The following FSHR variants were observed in gnomAD, a reference collection of about 807,000 sequenced individuals.
FSHR encodes the protein follicle stimulating hormone receptor.
FSHR carries 46 observed loss-of-function variants against 52.1 expected under a neutral mutation model. The ratio of observed to expected loss-of-function variants is 0.88; its 90% CI spans 0.70 to 1.13. The LOEUF is 1.13. Ranked by LOEUF, FSHR falls within the 50% of genes most tolerant of loss-of-function variation. The pLI is 0.00. For synonymous variants in FSHR, 399 were observed against 309.6 expected, an observed-to-expected ratio of 1.29 and a Z score of -3.03; for missense variants, 964 against 834.6, an observed-to-expected ratio of 1.16 and a Z score of -1.91.
intron 1 of FSHR, among the ~76,000 whole-genome samples, chr2:49,133,854 T>C (rs929536233): frequency 8.5e-5 from 13 of 152,076 alleles, no homozygotes; most frequent in African/African-American, 2.4e-4. Context: ...ACTGGGAAAA[T>C]TGGCTAGCCA....
chr2:49,034,357 A>C (rs1668207014), intron 2 of FSHR, among the ~76,000 whole-genome samples: 1 of 152,212 alleles, frequency 6.6e-6, no homozygotes, highest in Non-Finnish European at 1.5e-5. Flanking sequence ...AAGTCTGATC[A>C]GCAAAGAATG....
intron 2 of FSHR, 42 bp downstream of exon 2, chr2:49,068,177 G>GC: frequency 1.3e-6 from 2 of 1,497,346 alleles, no homozygotes; most frequent in Non-Finnish European, 1.9e-6. Flanking sequence ...GCTCCCTATA[G>GC]CCCCCTTGAG....
At chr2:49,099,901 G>C (rs1302571239) in intron 1 of FSHR, among the ~76,000 whole-genome samples, 2 of 152,238 alleles carry the variant, frequency 1.3e-5, no homozygotes, top group East Asian at 3.9e-4. Context: ...CACCCAGTTT[G>C]TGGTACTTTA....
intron 8 of FSHR, among the ~76,000 whole-genome samples, chr2:48,982,047 G>C (rs1675272906): frequency 3.9e-5 from 6 of 152,004 alleles, no homozygotes; most frequent in Admixed American, 3.3e-4. Context: ...ACTTTTTTCA[G>C]TCAGTAAGTG....
At chr2:49,132,423 C>A (rs1389237524) in intron 1 of FSHR, among the ~76,000 whole-genome samples, 1 of 152,094 alleles carries the variant, frequency 6.6e-6, no homozygotes, top group Non-Finnish European at 1.5e-5. Context: ...AGCATCTTTT[C>A]AGTTGTAATT....
chr2:49,131,705 A>G (rs895735090), intron 1 of FSHR, among the ~76,000 whole-genome samples: 1 of 152,294 alleles, frequency 6.6e-6, no homozygotes, highest in African/African-American at 2.4e-5. Context: ...TACTTGGCAC[A>G]TTTCTAGAAA....
intron 2 of FSHR, among the ~76,000 whole-genome samples, chr2:49,060,473 G>A (rs1366103551): frequency 6.6e-6 from 1 of 152,094 alleles, no homozygotes; most frequent in East Asian, 1.9e-4. Flanking sequence ...GACCAGCCAG[G>A]GTGGTCACAC....
chr2:49,127,750 C>T lies in FSHR; in HGVS notation c.152+26516G>A, dbSNP rs201746711. Among the ~76,000 whole-genome samples the T allele has an allele frequency of 2.9e-4, 28 of 96,440 alleles. 1 individual carries two copies. Among genetic ancestry groups the T allele is most frequent in the African/African-American group, 8.6e-4 (18 of 20,960 alleles). The allele number at this position is 96,440 out of a possible 152,430, so 63.3% of individuals were successfully genotyped here. On this transcript the variant is annotated intron_variant, in intron 1 of 9. Coordinates refer to ENST00000406846, the MANE Select transcript of FSHR (RefSeq NM_000145.4). ...GATTTGTGCATGATTTCTTCTTCTT[C>T]TTTCTTCTTCTTCTTCTTCTTCTTC... is the stretch of plus-strand genomic sequence containing the variant.
chr2:49,027,849 C>T (rs1667961708), intron 2 of FSHR, among the ~76,000 whole-genome samples: 1 of 115,994 alleles, frequency 8.6e-6, no homozygotes, highest in Non-Finnish European at 1.7e-5. Flanking sequence ...GACTCTTTCT[C>T]CAAAAAAAAA....
At chr2:49,065,665 A>C (rs1284710570) in intron 2 of FSHR, among the ~76,000 whole-genome samples, 1 of 152,158 alleles carries the variant, frequency 6.6e-6, no homozygotes, top group Non-Finnish European at 1.5e-5. Context: ...TTATGGCCTC[A>C]GGAGAGAGGT....
At chr2:49,071,625 G>A (rs57260003) in intron 1 of FSHR, among the ~76,000 whole-genome samples, 21,702 of 152,146 alleles carry the variant, frequency 0.14, 1,561 homozygotes, top group Middle Eastern at 0.2. Context: ...GTTCATTTGT[G>A]TTGCTATAAA....
chr2:49,134,921 G>A (rs963014178), intron 1 of FSHR, among the ~76,000 whole-genome samples: 1 of 152,116 alleles, frequency 6.6e-6, no homozygotes, highest in Non-Finnish European at 1.5e-5. Flanking sequence ...GTTGTGGGGT[G>A]GGAGGATGGG....
intron 2 of FSHR, among the ~76,000 whole-genome samples, chr2:49,055,427 A>C (rs1669019464): frequency 6.6e-6 from 1 of 150,894 alleles, no homozygotes; most frequent in South Asian, 2.1e-4. Flanking sequence ...GGAATTTCAG[A>C]AGGAGAAGAG....
intron 1 of FSHR, among the ~76,000 whole-genome samples, chr2:49,133,325 T>C (rs1406043602): frequency 6.6e-6 from 1 of 152,148 alleles, no homozygotes; most frequent in Non-Finnish European, 1.5e-5. Context: ...TTGTCCCAGT[T>C]CATGAGGCAG....
intron 9 of FSHR, among the ~76,000 whole-genome samples, chr2:48,967,429 G>C (rs959773762): frequency 6.6e-6 from 1 of 152,118 alleles, no homozygotes; most frequent in East Asian, 1.9e-4. Context: ...CTCCTTTGGG[G>C]TATTCAGTCC....
chr2:48,977,624 A>G (rs1275882943), intron 8 of FSHR, among the ~76,000 whole-genome samples: 1 of 152,192 alleles, frequency 6.6e-6, no homozygotes, highest in Non-Finnish European at 1.5e-5. Context: ...ATATTACTAT[A>G]GCCATTTGTG....
intron 1 of FSHR, among the ~76,000 whole-genome samples, chr2:49,130,511 C>T (rs1214109239): frequency 6.6e-6 from 1 of 152,316 alleles, no homozygotes; most frequent in East Asian, 1.9e-4. Context: ...TAGTTCAATA[C>T]AATCCAATTC....
chr2:49,149,287 C>CTA lies in FSHR; in HGVS notation c.152+4977_152+4978dup, dbSNP rs1427849203. Among the ~76,000 whole-genome samples, 17 of 151,926 alleles carry CTA rather than the reference C, an allele frequency of 1.1e-4. 1 individual carries two copies. Among genetic ancestry groups the CTA allele is most frequent in the Admixed American group, 5.9e-4 (9 of 15,224 alleles). ...TAATACCTGGTTACCTCATGGTTAC[C>CTA]TATAGTCTATACTTCAGAACCATCT... is the stretch of plus-strand genomic sequence containing the variant. On this transcript the variant is annotated intron_variant, in intron 1 of 9. Coordinates refer to ENST00000406846, the MANE Select transcript of FSHR (RefSeq NM_000145.4).
intron 2 of FSHR, among the ~76,000 whole-genome samples, chr2:49,034,994 C>T (rs2104265796): frequency 6.6e-6 from 1 of 152,350 alleles, no homozygotes; most frequent in African/African-American, 2.4e-5. Flanking sequence ...CAAGCCCTCC[C>T]AGTGCCCCTC....
Sources: gnomAD v4.1 joint callset for allele counts (sites outside exome capture counted in the v4.1 genomes callset) on GRCh38, gnomAD v4.1.1 for gene constraint, MANE v1.5 for transcripts, NCBI Gene and HGNC (gene_info 2026-07-23, HGNC 2026-07-21) for gene names.